LTB4R2: variants seen among roughly 807,000 people sequenced by gnomAD.
LTB4R2 encodes the protein LTB4 receptor JULF2.
A neutral mutation model predicts 5.3 loss-of-function variants in LTB4R2; 6 were observed. That is an observed-to-expected ratio of 1.14 (90% CI 0.62 to 2.24). The LOEUF (loss-of-function observed/expected upper bound fraction) is 2.24. LTB4R2 is among the 30% of genes most tolerant of loss of function. The pLI is 0.00. For synonymous variants in LTB4R2, 310 were observed against 264.2 expected (o/e 1.17, Z -1.68); for missense variants, 560 against 521.5 (o/e 1.07, Z -0.72).
In LTB4R2 at chr14:24,310,727, C is replaced by A. The variant is rs115630307; in HGVS notation, c.63C>A (p.Ala21=). 14 of 1,612,692 alleles carry A rather than the reference C, an allele frequency of 8.7e-6. No homozygotes were observed. The South Asian group carries it at 1.5e-4, about 18-fold the overall frequency. ...ETLLSWKTSR[A]TGTAFLLLAA... ...TGCTGAGCTGGAAGACTTCGCGGGC[C>A]ACAGGCACAGCCTTCCTGCTGCTGG... The change falls in exon 2 of 2, where the codon GCC becomes GCA. Residue 21 remains alanine (A), a synonymous_variant. Coordinates refer to ENST00000533293, the MANE Select transcript of LTB4R2 (RefSeq NM_019839.5).
chr14:24,311,867 AT>A lies in LTB4R2; in HGVS notation c.*128del. 1 of 890,550 alleles carries A rather than the reference AT, an allele frequency of 1.1e-6. No homozygotes were observed. Among genetic ancestry groups the A allele is most frequent in the Non-Finnish European group, 1.7e-6 (1 of 590,266 alleles). 55.2% of individuals were successfully genotyped at this position (890,550 alleles called of 1,614,324 possible). A position where few individuals can be genotyped will look rare whatever the true frequency, so the allele number is the denominator to read the frequency against. ...TAGAGTTTGGATCTGGCTGGGTAGGATTACTATACACTTGGGGCAGGCCCAG... is the reference window on the plus strand; with the variant it reads ...TAGAGTTTGGATCTGGCTGGGTAGGATACTATACACTTGGGGCAGGCCCAG... On this transcript the variant is annotated 3_prime_UTR_variant, in exon 2 of 2. Transcript: ENST00000533293.
Position 24,310,735 on chromosome 14 carries a change from C to G in LTB4R2, c.71C>G (p.Thr24Arg), listed in dbSNP as rs1434105473. 1.2e-6 allele frequency: 2 copies of G among 1,612,210 alleles called. No individual in the cohort carries two copies. The highest frequency in any genetic ancestry group is 1.7e-5 in the Admixed American group (1 of 60,012). ...LSWKTSRATG[T>R]AFLLLAALLG... ...TGGAAGACTTCGCGGGCCACAGGCA[C>G]AGCCTTCCTGCTGCTGGCGGCGCTG... The change falls in exon 2 of 2, where the codon ACA (threonine) becomes AGA (arginine). Residue 24 changes from threonine to arginine, a missense_variant. Physicochemically the swap from Thr to Arg is moderately conservative, Grantham distance 71. Coordinates refer to ENST00000533293, the MANE Select transcript of LTB4R2 (RefSeq NM_019839.5).
Position 24,310,820 on chromosome 14 carries a change from G to A in LTB4R2, c.156G>A (p.Arg52=). 1 of 1,594,566 alleles carries A rather than the reference G, an allele frequency of 6.3e-7. No homozygotes were observed. The highest frequency in any genetic ancestry group is 8.5e-7 in the Non-Finnish European group (1 of 1,173,620). The change falls in exon 2 of 2, where the codon CGG becomes CGA. Residue 52 remains arginine, a synonymous_variant. Transcript: ENST00000533293. ...GCTTGGCGGGCTGGCGGCCTGCACG[G>A]GGGCGACCGCTGGCGGCCACGCTTG... The part of the protein sequence containing the change: ...VWSLAGWRPA[R]GRPLAATLVL...
rs1443337695 is a variant in LTB4R2 at position 24,311,375 on chromosome 14, G to A, written c.711G>A (p.Trp237Ter). The change falls in exon 2 of 2, where the codon TGG (tryptophan) becomes TGA (stop). Residue 237 changes from tryptophan to a stop codon, truncating the protein, a stop_gained. Transcript: ENST00000533293. LOFTEE classifies it low-confidence loss of function (END_TRUNC). ...TCGTGCTTGCCTTCGGCTTGCTCTG[G>A]GCCCCCTACCACGCAGTCAACCTTC... ...SAIVLAFGLL[W>*]APYHAVNLLQ... 5 of 1,603,678 alleles carry A rather than the reference G, an allele frequency of 3.1e-6. No homozygotes were observed. Among genetic ancestry groups the A allele is most frequent in the African/African-American group, 1.3e-5 (1 of 75,048 alleles).
Position 24,310,760 on chromosome 14 carries a change from G to C in LTB4R2, c.96G>C (p.Leu32=). 6.2e-7 allele frequency: 1 copy of C among 1,609,660 alleles called. No individual in the cohort carries two copies. The highest frequency in any genetic ancestry group is 8.5e-7 in the Non-Finnish European group (1 of 1,179,602). ...TGTAFLLLAA[L]LGLPGNGFVV... Reference sequence around the variant, plus strand: ...CAGCCTTCCTGCTGCTGGCGGCGCTGCTGGGGCTGCCTGGCAACGGCTTCG... The same window carrying C: ...CAGCCTTCCTGCTGCTGGCGGCGCTCCTGGGGCTGCCTGGCAACGGCTTCG... The change falls in exon 2 of 2, where the codon CTG becomes CTC. Residue 32 remains leucine (L), a synonymous_variant. Transcript: ENST00000533293.
In LTB4R2 at chr14:24,310,886, C is replaced by G; in HGVS notation, c.222C>G (p.Leu74=). 6.3e-7 allele frequency: 1 copy of G among 1,592,736 alleles called. No homozygotes were observed. Among genetic ancestry groups the G allele is most frequent in the Non-Finnish European group, 8.5e-7 (1 of 1,176,586 alleles). Residue 74 remains leucine (L), a synonymous_variant, in exon 2 of 2, where the codon CTC becomes CTG. Coordinates refer to ENST00000533293, the MANE Select transcript of LTB4R2 (RefSeq NM_019839.5). The stretch of plus-strand genomic sequence containing the variant: ...TGGCCGACGGCGCGGTGCTGCTGCT[C>G]ACGCCGCTCTTTGTGGCCTTCCTGA... ...LALADGAVLL[L]TPLFVAFLTR...
chr14:24,311,499 T>C lies in LTB4R2; in HGVS notation c.835T>C (p.Phe279Leu). The C allele has an allele frequency of 1.2e-6, 2 of 1,602,174 alleles. No homozygotes were observed. The highest frequency in any genetic ancestry group is 1.1e-5 in the South Asian group (1 of 91,092). ...ARAGTTALAF[F>L]SSSVNPVLYV... ...AGCGGGAACTACGGCCTTGGCCTTC[T>C]TCAGTTCTAGCGTCAACCCGGTGCT... Residue 279 changes from phenylalanine (F) to leucine (L), a missense_variant, in exon 2 of 2, where the codon TTC becomes CTC. Phe to Leu is a conservative substitution (Grantham distance 22). Coordinates refer to ENST00000533293, the MANE Select transcript of LTB4R2 (RefSeq NM_019839.5).
rs2041689808 is a variant in LTB4R2, at chr14:24,311,176, G to C, written c.512G>C (p.Cys171Ser). 1 of 1,606,522 alleles carries C rather than the reference G, an allele frequency of 6.2e-7. No individual in the cohort carries two copies. The highest frequency in any genetic ancestry group is 1.7e-4 in the Middle Eastern group (1 of 6,048). ...HLWRDRVCQLCHPSPVHAAAH... is the reference protein window; with the variant it reads ...HLWRDRVCQLSHPSPVHAAAH... ...TGGAGGGACCGCGTATGCCAGCTGT[G>C]CCACCCGTCGCCGGTCCACGCCGCC... is the stretch of plus-strand genomic sequence containing the variant. Residue 171 changes from cysteine (C) to serine (S), a missense_variant, in exon 2 of 2, where the codon TGC (cysteine) becomes TCC (serine). Physicochemically the swap from Cys to Ser is moderately radical, Grantham distance 112. Transcript: ENST00000533293.
In LTB4R2 at chr14:24,310,851, C is replaced by T; in HGVS notation, c.187C>T (p.His63Tyr). The T allele has an allele frequency of 6.3e-7, 1 of 1,593,182 alleles. No homozygotes were observed. Among genetic ancestry groups the T allele is most frequent in the Admixed American group, 1.7e-5 (1 of 59,000 alleles). The part of the protein sequence containing the change: ...GRPLAATLVL[H>Y]LALADGAVLL... ...ACCGCTGGCGGCCACGCTTGTGCTGCACCTGGCGCTGGCCGACGGCGCGGT... is the reference window on the plus strand; with the variant it reads ...ACCGCTGGCGGCCACGCTTGTGCTGTACCTGGCGCTGGCCGACGGCGCGGT... The change falls in exon 2 of 2, where the codon CAC (histidine) becomes TAC (tyrosine). Residue 63 changes from histidine to tyrosine, a missense_variant. Coordinates refer to ENST00000533293, the MANE Select transcript of LTB4R2 (RefSeq NM_019839.5).
Position 24,310,561 on chromosome 14 carries a change from AAGG to A in LTB4R2, c.-10-87_-10-85del, listed in dbSNP as rs1226381573. ...GAAAAGAGGCAGGCTGCAGGGAAGT[AAGG>A]AGGAGGCATGGCACCTTCTCATCGG... On this transcript the variant is annotated intron_variant, in intron 1 of 1. Coordinates refer to ENST00000533293, the MANE Select transcript of LTB4R2 (RefSeq NM_019839.5). 2.4e-6 allele frequency: 3 copies of A among 1,230,706 alleles called. No individual in the cohort carries two copies. In the African/African-American group the frequency reaches 4.5e-5, roughly 18 times the overall value. 76.2% of individuals were successfully genotyped at this position (1,230,706 alleles called of 1,614,324 possible). A position where few individuals can be genotyped will look rare whatever the true frequency, so the allele number is the denominator to read the frequency against.
At chr14:24,310,461 G>C in intron 1 of LTB4R2, 194 bp from the exon 2 acceptor site, 1 of 702,566 alleles carries the variant, frequency 1.4e-6, no homozygotes, top group East Asian at 2.7e-5. Context: ...ACTGGGAGCA[G>C]GGGATCTGGG....
chr14:24,311,815 T>A lies in LTB4R2; in HGVS notation c.*74T>A. 7.7e-7 allele frequency: 1 copy of A among 1,303,550 alleles called. No homozygotes were observed. Among genetic ancestry groups the A allele is most frequent in the Non-Finnish European group, 1.0e-6 (1 of 956,454 alleles). The allele number at this position is 1,303,550 out of a possible 1,614,324, so 80.7% of individuals were successfully genotyped here. ...ACCCACCCTCCAGAGGTCAGTGTTCTGGGACATTTGGGGACCCTTCTTTGA... is the reference window on the plus strand; with the variant it reads ...ACCCACCCTCCAGAGGTCAGTGTTCAGGGACATTTGGGGACCCTTCTTTGA... On this transcript the variant is annotated 3_prime_UTR_variant, in exon 2 of 2. Coordinates refer to ENST00000533293, the MANE Select transcript of LTB4R2 (RefSeq NM_019839.5).
In LTB4R2 at chr14:24,311,079, C is replaced by T. The variant is rs1211589710; in HGVS notation, c.415C>T (p.Arg139Cys). The change falls in exon 2 of 2, where the codon CGC (arginine) becomes TGC (cysteine). Residue 139 changes from arginine to cysteine, a missense_variant. Arg to Cys is a radical substitution (Grantham distance 180). Coordinates refer to ENST00000533293, the MANE Select transcript of LTB4R2 (RefSeq NM_019839.5). ...TCGGCTGCGCAGCCCGGCCCTGGCC[C>T]GCCGCCTGCTGCTGGCGGTCTGGCT... ...APRLRSPALA[R>C]RLLLAVWLAA... The T allele has an allele frequency of 1.3e-6, 2 of 1,560,850 alleles. No individual in the cohort carries two copies. The highest frequency in any genetic ancestry group is 1.2e-5 in the South Asian group (1 of 86,676).
rs1209767580 is a variant in LTB4R2 at position 24,310,880 on chromosome 14, G to A, written c.216G>A (p.Leu72=). The part of the protein sequence containing the change: ...LHLALADGAV[L]LLTPLFVAFL... ...TGGCGCTGGCCGACGGCGCGGTGCT[G>A]CTGCTCACGCCGCTCTTTGTGGCCT... The change falls in exon 2 of 2, where the codon CTG becomes CTA. Residue 72 remains leucine (L), a synonymous_variant. Transcript: ENST00000533293. 1 of 1,592,654 alleles carries A rather than the reference G, an allele frequency of 6.3e-7. No individual in the cohort carries two copies. The highest frequency in any genetic ancestry group is 1.7e-5 in the Admixed American group (1 of 59,112).
At position 24,311,475 on chromosome 14, in the gene LTB4R2, G is replaced by C; in HGVS notation, c.811G>C (p.Ala271Pro). Residue 271 changes from alanine to proline, a missense_variant, in exon 2 of 2, where the codon GCG becomes CCG. Transcript: ENST00000533293. ...KLGGAGQAAR[A>P]GTTALAFFSS... ...GGGCGGAGCCGGCCAGGCGGCGCGA[G>C]CGGGAACTACGGCCTTGGCCTTCTT... is the stretch of plus-strand genomic sequence containing the variant. The C allele has an allele frequency of 6.2e-7, 1 of 1,601,408 alleles. No homozygotes were observed. The highest frequency in any genetic ancestry group is 2.2e-5 in the East Asian group (1 of 44,882).
rs990639700 is a variant in LTB4R2, at chr14:24,311,873, A to G, written c.*132A>G. On this transcript the variant is annotated 3_prime_UTR_variant, in exon 2 of 2. Coordinates refer to ENST00000533293, the MANE Select transcript of LTB4R2 (RefSeq NM_019839.5). The stretch of plus-strand genomic sequence containing the variant: ...TTGGATCTGGCTGGGTAGGATTACT[A>G]TACACTTGGGGCAGGCCCAGGCTCC... 1.3e-5 allele frequency: 11 copies of G among 854,276 alleles called. No individual in the cohort carries two copies. The highest frequency in any genetic ancestry group is 1.2e-4 in the African/African-American group (7 of 58,342). 52.9% of individuals were successfully genotyped at this position (854,276 alleles called of 1,614,324 possible).
rs1392961933 is a variant in LTB4R2 at position 24,311,236 on chromosome 14, TGCTTCCTTTCGG to T, written c.576_587del (p.Pro193_Leu196del). On this transcript the variant is annotated inframe_deletion, in exon 2 of 2. Coordinates refer to ENST00000533293, the MANE Select transcript of LTB4R2 (RefSeq NM_019839.5). ...AGCCTGGAGACTCTGACCGCTTTCG[TGCTTCCTTTCGG>T]GCTGATGCTCGGCTGCTACAGCGTG... 1 of 1,608,630 alleles carries T rather than the reference TGCTTCCTTTCGG, an allele frequency of 6.2e-7. No homozygotes were observed. Among genetic ancestry groups the T allele is most frequent in the Non-Finnish European group, 8.5e-7 (1 of 1,178,012 alleles).
rs1251176798 is a variant in LTB4R2, at chr14:24,310,819, G to A, written c.155G>A (p.Arg52Gln). 1.9e-6 allele frequency: 3 copies of A among 1,594,522 alleles called. No homozygotes were observed. Among genetic ancestry groups the A allele is most frequent in the Non-Finnish European group, 2.6e-6 (3 of 1,173,578 alleles). Residue 52 changes from arginine (R) to glutamine (Q), a missense_variant, in exon 2 of 2, where the codon CGG becomes CAG. Arg to Gln is a conservative substitution (Grantham distance 43). Transcript: ENST00000533293. ...VWSLAGWRPA[R>Q]GRPLAATLVL... ...AGCTTGGCGGGCTGGCGGCCTGCAC[G>A]GGGGCGACCGCTGGCGGCCACGCTT...
chr14:24,311,144 C>T lies in LTB4R2; in HGVS notation c.480C>T (p.Arg160=). 1 of 1,595,604 alleles carries T rather than the reference C, an allele frequency of 6.3e-7. No individual in the cohort carries two copies. The highest frequency in any genetic ancestry group is 8.5e-7 in the Non-Finnish European group (1 of 1,174,404). Residue 160 remains arginine, a synonymous_variant, in exon 2 of 2, where the codon CGC becomes CGT. Transcript: ENST00000533293. ...LLLAVPAAVY[R]HLWRDRVCQL... ...TCGCCGTCCCGGCCGCCGTCTACCG[C>T]CACCTGTGGAGGGACCGCGTATGCC...
Sources: allele counts gnomAD v4.1 joint callset, GRCh38; gene constraint gnomAD v4.1.1; transcripts MANE v1.5; gene names NCBI Gene and HGNC (gene_info 2026-07-23, HGNC 2026-07-21).